KCNJ2: variants seen among roughly 807,000 people sequenced by gnomAD.
KCNJ2 encodes inward rectifier potassium channel 2.
Under a neutral mutation model 28.4 loss-of-function variants are expected in KCNJ2, and 12 were observed. The observed-to-expected ratio is 0.42, with a 90% CI of 0.27 to 0.68. The LOEUF is 0.68. Among genes scored for constraint, KCNJ2 ranks in the 30% least tolerant of loss-of-function variants. The pLI is 0.23. For missense variants in KCNJ2, 320 were observed against 551.3 expected (o/e 0.58, Z 4.20); for synonymous variants, 200 against 203.2 (o/e 0.98, Z 0.13).
rs934106074 is a variant in KCNJ2, at chr17:70,178,597, C to T, written c.*2274C>T. ...ATGGGGGTGACCACAAAAGAGGCTCCCCCTAAACACACAGTGCTGCCACTT... is the reference window on the plus strand; with the variant it reads ...ATGGGGGTGACCACAAAAGAGGCTCTCCCTAAACACACAGTGCTGCCACTT... On this transcript the variant is annotated 3_prime_UTR_variant, in exon 2 of 2. Transcript: ENST00000243457. The T allele has an allele frequency of 6.1e-6, 1 of 164,502 alleles. No individual in the cohort carries two copies. The highest frequency in any genetic ancestry group is 1.5e-5 in the Non-Finnish European group (1 of 67,724). The allele number at this position is 164,502 out of a possible 1,614,324, so 10.2% of individuals were successfully genotyped here. A position where few individuals can be genotyped will look rare whatever the true frequency, so the allele number is the denominator to read the frequency against.
In KCNJ2 at chr17:70,179,834, C is replaced by T. The variant is rs2074417411; in HGVS notation, c.*3511C>T. On this transcript the variant is annotated 3_prime_UTR_variant, in exon 2 of 2. Transcript: ENST00000243457. Reference sequence around the variant, plus strand: ...TCCCCAACCCTCAGCAAAGTAGAATCTCTTTTCTGGTAATTTTGGGTTTCC... The same window carrying T: ...TCCCCAACCCTCAGCAAAGTAGAATTTCTTTTCTGGTAATTTTGGGTTTCC... 1 of 166,940 alleles carries T rather than the reference C, an allele frequency of 6.0e-6. No individual in the cohort carries two copies. Among genetic ancestry groups the T allele is most frequent in the South Asian group, 2.1e-4 (1 of 4,834 alleles). The allele number at this position is 166,940 out of a possible 1,614,324, so 10.3% of individuals were successfully genotyped here. A position where few individuals can be genotyped will look rare whatever the true frequency, so the allele number is the denominator to read the frequency against.
Position 70,174,821 on chromosome 17 carries a change from C to A in KCNJ2, c.-216-3C>A, listed in dbSNP as rs2074382526. 2 of 605,570 alleles carry A rather than the reference C, an allele frequency of 3.3e-6. No homozygotes were observed. The highest frequency in any genetic ancestry group is 1.9e-5 in the South Asian group (1 of 52,284). The allele number at this position is 605,570 out of a possible 1,614,324, so 37.5% of individuals were successfully genotyped here. A position where few individuals can be genotyped will look rare whatever the true frequency, so the allele number is the denominator to read the frequency against. On this transcript the variant is annotated splice_polypyrimidine_tract_variant and splice_region_variant and intron_variant, in intron 1 of 1. Transcript: ENST00000243457. ...GTAATGCACAGTCTCTCTTTTCTTG[C>A]AGGACATGTTCTCTGGATGTCAGCT...
In KCNJ2 at chr17:70,176,453, C is replaced by T. The variant is rs761297050; in HGVS notation, c.*130C>T. On this transcript the variant is annotated 3_prime_UTR_variant, in exon 2 of 2. Coordinates refer to ENST00000243457, the MANE Select transcript of KCNJ2 (RefSeq NM_000891.3). ...AGCGGCCACAAGGGACTGAGGCAAG[C>T]ACAATGGTTTCAAAGAAAGACTGTA... The T allele has an allele frequency of 2.5e-6, 2 of 800,568 alleles. No homozygotes were observed. The highest frequency in any genetic ancestry group is 2.2e-6 in the Non-Finnish European group (1 of 458,108). The allele number at this position is 800,568 out of a possible 1,614,324, so 49.6% of individuals were successfully genotyped here.
rs61077847 is a variant in KCNJ2, at chr17:70,174,877, G to GTC, written c.-163_-162insTC. On this transcript the variant is annotated 5_prime_UTR_variant, in exon 2 of 2. The change abolishes the stop of an existing upstream ORF in the 5' untranslated region. Coordinates refer to ENST00000243457, the MANE Select transcript of KCNJ2 (RefSeq NM_000891.3). Reference sequence around the variant, plus strand: ...ATTAAAGTAACTCTGCATGTCAGTAGACAGACCTTGGTAGAACCACAAGGC... The same window carrying GTC: ...ATTAAAGTAACTCTGCATGTCAGTAGTCACAGACCTTGGTAGAACCACAAGGC... The GTC allele has an allele frequency of 6.5e-3, 4,680 of 714,988 alleles. 141 individuals carry two copies. The African/African-American group carries it at 0.071, about 11-fold the overall frequency. 44.3% of individuals were successfully genotyped at this position (714,988 alleles called of 1,614,324 possible). A position where few individuals can be genotyped will look rare whatever the true frequency, so the allele number is the denominator to read the frequency against.
intron 1 of KCNJ2, among the ~76,000 whole-genome samples, chr17:70,173,353 C>T (rs1321501187): frequency 6.6e-6 from 1 of 152,166 alleles, no homozygotes; most frequent in Non-Finnish European, 1.5e-5. Context: ...GTGGAGTCTT[C>T]ATTATCAGGC....
rs2074414063 is a variant in KCNJ2 at position 70,179,226 on chromosome 17, T to G, written c.*2903T>G. 1 of 166,740 alleles carries G rather than the reference T, an allele frequency of 6.0e-6. No individual in the cohort carries two copies. The highest frequency in any genetic ancestry group is 6.6e-5 in the Admixed American group (1 of 15,252). 10.3% of individuals were successfully genotyped at this position (166,740 alleles called of 1,614,324 possible). A position where few individuals can be genotyped will look rare whatever the true frequency, so the allele number is the denominator to read the frequency against. ...TCATTAGAATGCAGACGGAGGGGACTCACCATGAATATCTGGGGTTGATTC... is the reference window on the plus strand; with the variant it reads ...TCATTAGAATGCAGACGGAGGGGACGCACCATGAATATCTGGGGTTGATTC... On this transcript the variant is annotated 3_prime_UTR_variant, in exon 2 of 2. Coordinates refer to ENST00000243457, the MANE Select transcript of KCNJ2 (RefSeq NM_000891.3).
rs2074397603 is a variant in KCNJ2, at chr17:70,177,088, A to G, written c.*765A>G. 6.0e-6 allele frequency: 1 copy of G among 167,124 alleles called. No homozygotes were observed. The highest frequency in any genetic ancestry group is 2.1e-4 in the South Asian group (1 of 4,832). 10.4% of individuals were successfully genotyped at this position (167,124 alleles called of 1,614,324 possible). A position where few individuals can be genotyped will look rare whatever the true frequency, so the allele number is the denominator to read the frequency against. On this transcript the variant is annotated 3_prime_UTR_variant, in exon 2 of 2. Coordinates refer to ENST00000243457, the MANE Select transcript of KCNJ2 (RefSeq NM_000891.3). ...CAGTGGAGCTTACACTTAAAAGAAA[A>G]CAAAGCCCCATGGGCTGCCTTGAAA...
Position 70,174,863 on chromosome 17 carries a change from T to C in KCNJ2, c.-177T>C. 3.0e-6 allele frequency: 2 copies of C among 671,800 alleles called. No homozygotes were observed. The highest frequency in any genetic ancestry group is 5.3e-6 in the Non-Finnish European group (2 of 374,690). The allele number at this position is 671,800 out of a possible 1,614,324, so 41.6% of individuals were successfully genotyped here. ...ATGTCAGCTGAGTCATTAAAGTAAC[T>C]CTGCATGTCAGTAGACAGACCTTGG... is the stretch of plus-strand genomic sequence containing the variant. On this transcript the variant is annotated 5_prime_UTR_variant, in exon 2 of 2. Transcript: ENST00000243457.
rs536788614 is a variant in KCNJ2 at position 70,179,348 on chromosome 17, G to A, written c.*3025G>A. The A allele has an allele frequency of 1.2e-5, 2 of 166,842 alleles. No homozygotes were observed. The highest frequency in any genetic ancestry group is 2.1e-4 in the South Asian group (1 of 4,820). 10.3% of individuals were successfully genotyped at this position (166,842 alleles called of 1,614,324 possible). On this transcript the variant is annotated 3_prime_UTR_variant, in exon 2 of 2. Transcript: ENST00000243457. ...AGAATTTTTGCCCATATCTGGAAGGGCACTATATTTTTGGGAGGAGCCATA... is the reference window on the plus strand; with the variant it reads ...AGAATTTTTGCCCATATCTGGAAGGACACTATATTTTTGGGAGGAGCCATA...
chr17:70,179,064 ATTTTTTTTTTTTTTTTTT>A lies in KCNJ2; in HGVS notation c.*2758_*2775del, dbSNP rs35656864. The A allele has an allele frequency of 2.1e-4, 14 of 67,262 alleles. No individual in the cohort carries two copies. Among genetic ancestry groups the A allele is most frequent in the Admixed American group, 8.8e-4 (3 of 3,428 alleles). The allele number at this position is 67,262 out of a possible 1,614,324, so 4.2% of individuals were successfully genotyped here. A position where few individuals can be genotyped will look rare whatever the true frequency, so the allele number is the denominator to read the frequency against. On this transcript the variant is annotated 3_prime_UTR_variant, in exon 2 of 2. Coordinates refer to ENST00000243457, the MANE Select transcript of KCNJ2 (RefSeq NM_000891.3). The stretch of plus-strand genomic sequence containing the variant: ...TAACAGTTACAAGCTTTAAATGGCA[ATTTTTTTTTTTTTTTTTT>A]TTTTTTTTTTTTTTTTGTCAAGAGC...
Position 70,176,408 on chromosome 17 carries a change from T to G in KCNJ2, c.*85T>G. The G allele has an allele frequency of 7.8e-7, 1 of 1,274,058 alleles. No homozygotes were observed. Among genetic ancestry groups the G allele is most frequent in the Non-Finnish European group, 1.1e-6 (1 of 873,706 alleles). The allele number at this position is 1,274,058 out of a possible 1,614,324, so 78.9% of individuals were successfully genotyped here. A position where few individuals can be genotyped will look rare whatever the true frequency, so the allele number is the denominator to read the frequency against. ...AAAACAGTTATACAGATGACGGTAC[T>G]GGTCAAGATGGGTCAAGCAAGCGGC... On this transcript the variant is annotated 3_prime_UTR_variant, in exon 2 of 2. Transcript: ENST00000243457.
chr17:70,173,809 C>G (rs535453584), intron 1 of KCNJ2, among the ~76,000 whole-genome samples: 5 of 152,266 alleles, frequency 3.3e-5, no homozygotes, highest in African/African-American at 4.8e-5. Flanking sequence ...GAAATGAGTT[C>G]CTGCCTTATC....
At position 70,176,374 on chromosome 17, in the gene KCNJ2, C is replaced by A; in HGVS notation, c.*51C>A. The A allele has an allele frequency of 1.9e-6, 3 of 1,545,922 alleles. No homozygotes were observed. In the South Asian group the frequency reaches 3.4e-5, roughly 17 times the overall value. On this transcript the variant is annotated 3_prime_UTR_variant, in exon 2 of 2. Transcript: ENST00000243457. ...TTACTTTACAACACGGTCTGTTGGT[C>A]AGAGGCCCAAAACAGTTATACAGAT...
intron 1 of KCNJ2, among the ~76,000 whole-genome samples, chr17:70,172,820 G>A (rs2074372261): frequency 6.6e-6 from 1 of 152,128 alleles, no homozygotes; most frequent in Non-Finnish European, 1.5e-5. Flanking sequence ...GTATACCTGC[G>A]TTTGGTGTTG....
chr17:70,176,145 C>G lies in KCNJ2; in HGVS notation c.1106C>G (p.Ser369Ter). 1 of 1,614,032 alleles carries G rather than the reference C, an allele frequency of 6.2e-7. No individual in the cohort carries two copies. The highest frequency in any genetic ancestry group is 8.5e-7 in the Non-Finnish European group (1 of 1,180,034). Reference protein sequence around the residue: ...RDLAEKKYILSNANSFCYENE... With the variant: ...RDLAEKKYIL ...TTAGCAGAAAAGAAATATATCCTCT[C>G]AAATGCAAATTCATTTTGCTATGAA... Residue 369 changes from serine to a stop codon, truncating the protein, a stop_gained, in exon 2 of 2, where the codon TCA becomes TGA. Transcript: ENST00000243457. LOFTEE classifies it high-confidence loss of function.
In KCNJ2 at chr17:70,177,010, A is replaced by C. The variant is rs886053329; in HGVS notation, c.*687A>C. The C allele has an allele frequency of 6.0e-6, 1 of 167,382 alleles. No homozygotes were observed. Among genetic ancestry groups the C allele is most frequent in the Non-Finnish European group, 1.5e-5 (1 of 68,404 alleles). The allele number at this position is 167,382 out of a possible 1,614,324, so 10.4% of individuals were successfully genotyped here. ...CCATGATGTTAATGGGTTATCTCAA[A>C]TTTTAAGTTAAACTACCTAAAATAA... On this transcript the variant is annotated 3_prime_UTR_variant, in exon 2 of 2. Coordinates refer to ENST00000243457, the MANE Select transcript of KCNJ2 (RefSeq NM_000891.3).
At position 70,175,965 on chromosome 17, in the gene KCNJ2, C is replaced by T. The variant is rs199473388; in HGVS notation, c.926C>T (p.Thr309Ile). The change falls in exon 2 of 2, where the codon ACA becomes ATA. Residue 309 changes from threonine to isoleucine, a missense_variant. Around this residue, in one of 3 missense-constraint regions of KCNJ2, gnomAD observed 155 missense variants for 231.6 expected, o/e 0.67. Transcript: ENST00000243457. This position sits in a 1 kb window ranked among gnomAD's most constrained non-coding sequence, Gnocchi z 8.3. ...ATGGTGGAAGCCACTGCCATGACGA[C>T]ACAGTGCCGTAGCTCTTATCTAGCA... is the stretch of plus-strand genomic sequence containing the variant. ...EGMVEATAMT[T>I]QCRSSYLANE... 1 of 1,614,082 alleles carries T rather than the reference C, an allele frequency of 6.2e-7. No homozygotes were observed. The highest frequency in any genetic ancestry group is 8.5e-7 in the Non-Finnish European group (1 of 1,180,012).
At chr17:70,171,706 C>T (rs531118996) in intron 1 of KCNJ2, among the ~76,000 whole-genome samples, 85 of 152,252 alleles carry the variant, frequency 5.6e-4, no homozygotes, top group African/African-American at 2.0e-3. Context: ...ATTGCTTATG[C>T]TTAATTTTGG....
rs1285599470 is a variant in KCNJ2, at chr17:70,169,555, G to T, written c.-363G>T. ...GCAGAGCGCACTGGAGCCCTGGCCA[G>T]CGCGCAGCCTTCCCGGCGCCGGCGG... On this transcript the variant is annotated 5_prime_UTR_variant, in exon 1 of 2. Coordinates refer to ENST00000243457, the MANE Select transcript of KCNJ2 (RefSeq NM_000891.3). 1 of 152,372 alleles carries T rather than the reference G, an allele frequency of 6.6e-6. No homozygotes were observed. Among genetic ancestry groups the T allele is most frequent in the East Asian group, 1.9e-4 (1 of 5,142 alleles). 9.4% of individuals were successfully genotyped at this position (152,372 alleles called of 1,614,324 possible).
Sources: allele counts gnomAD v4.1 joint callset (sites outside exome capture counted in the v4.1 genomes callset), GRCh38; gene constraint gnomAD v4.1.1; regional missense constraint gnomAD v4.1.1; non-coding constraint Gnocchi (gnomAD v3.1); transcripts MANE v1.5; gene names NCBI Gene and HGNC (gene_info 2026-07-23, HGNC 2026-07-21).